The following KLF8 variants were observed in gnomAD, a reference collection of about 807,000 sequenced individuals.
KLF8 encodes KLF transcription factor 8.
KLF8 carries 10 observed loss-of-function variants against 18.2 expected under a neutral mutation model. The observed-to-expected ratio is 0.55, with a 90% CI of 0.34 to 0.93. The LOEUF is 0.93. Ranked by LOEUF, KLF8 falls within the 40% of genes least tolerant of loss-of-function variation. KLF8 has a pLI of 0.02. For missense variants in KLF8, 264 were observed against 277.9 expected, an observed-to-expected ratio of 0.95 and a Z score of 0.36; for synonymous variants, 109 against 97.3, an observed-to-expected ratio of 1.12 and a Z score of -0.71.
chrX:55,951,961 G>T, the KLF8 span, among the ~76,000 whole-genome samples: 1 of 111,850 alleles, frequency 8.9e-6, no homozygotes, highest in Non-Finnish European at 1.9e-5. Flanking sequence ...TGTTTCTGAG[G>T]GAGCCTCAAG....
Position 56,265,510 on chromosome X carries a change from G to A in KLF8, c.412G>A (p.Val138Ile), listed in dbSNP as rs757211205. The part of the protein sequence containing the change: ...DMSTSANIPT[V>I]LTPGSVLTSS... The stretch of plus-strand genomic sequence containing the variant: ...GAGCACTTCAGCAAACATTCCTACT[G>A]TTCTGACCCCAGGCTCTGTCCTGAC... Residue 138 changes from valine (V) to isoleucine (I), a missense_variant, in exon 3 of 6, where the codon GTT becomes ATT. Physicochemically the swap from Val to Ile is conservative, Grantham distance 29 (BLOSUM62 3). Transcript: ENST00000468660. 17 of 1,210,193 alleles carry A rather than the reference G, an allele frequency of 1.4e-5. No individual in the cohort carries two copies. In the South Asian group the frequency reaches 2.5e-4, roughly 18 times the overall value.
At chrX:56,158,358 C>G in the KLF8 span, among the ~76,000 whole-genome samples, 2 of 111,642 alleles carry the variant, frequency 1.8e-5, no homozygotes, top group African/African-American at 3.3e-5. Context: ...GCTTAGGATT[C>G]ACTTGGCAAC....
the KLF8 span, among the ~76,000 whole-genome samples, chrX:56,109,203 T>G: frequency 9.0e-6 from 1 of 110,861 alleles, no homozygotes; most frequent in South Asian, 3.9e-4. Context: ...GAGACCTTCC[T>G]AAGCAACATA....
the KLF8 span, among the ~76,000 whole-genome samples, chrX:55,929,548 G>A: frequency 1.8e-5 from 2 of 112,063 alleles, no homozygotes; most frequent in East Asian, 5.6e-4. Flanking sequence ...TTTTGTATAG[G>A]GTGTAAGGAA....
the KLF8 span, among the ~76,000 whole-genome samples, chrX:56,023,450 T>C: frequency 8.9e-6 from 1 of 111,971 alleles, no homozygotes; most frequent in African/African-American, 3.2e-5. Context: ...ATGAAAAAGC[T>C]GTATTTTGAA....
At chrX:56,177,450 C>T in the KLF8 span, among the ~76,000 whole-genome samples, 1 of 110,710 alleles carries the variant, frequency 9.0e-6, no homozygotes, top group Non-Finnish European at 1.9e-5. Context: ...GTTGCCTGAT[C>T]GTTTTTCTGG....
At chrX:56,080,428 G>A in the KLF8 span, among the ~76,000 whole-genome samples, 3 of 111,132 alleles carry the variant, frequency 2.7e-5, no homozygotes, top group East Asian at 8.4e-4. Flanking sequence ...GGCTGGATAT[G>A]AAATTCTGGG....
At chrX:55,994,434 T>C in the KLF8 span, among the ~76,000 whole-genome samples, 1 of 109,364 alleles carries the variant, frequency 9.1e-6, no homozygotes, top group Non-Finnish European at 1.9e-5. Context: ...AGTTTAGCTG[T>C]AATTTTTGTT....
the KLF8 span, among the ~76,000 whole-genome samples, chrX:56,152,455 G>A: frequency 2.1e-4 from 23 of 110,906 alleles, 1 homozygote; most frequent in Non-Finnish European, 4.0e-4. Flanking sequence ...GAGACTTTCA[G>A]AAGAAGGGTT....
chrX:55,923,166 G>A, the KLF8 span, among the ~76,000 whole-genome samples: 5 of 110,579 alleles, frequency 4.5e-5, no homozygotes, highest in East Asian at 2.8e-4. Flanking sequence ...ATAAGATCAC[G>A]TCCTTTGCAG....
At chrX:56,224,120 T>G in the KLF8 span, among the ~76,000 whole-genome samples, 1 of 110,845 alleles carries the variant, frequency 9.0e-6, no homozygotes, top group Non-Finnish European at 1.9e-5. Context: ...TTTCTGATTT[T>G]GGAATGGTAA....
chrX:56,254,354 C>T (rs2066758991), intron 2 of KLF8, among the ~76,000 whole-genome samples: 1 of 111,404 alleles, frequency 9.0e-6, no homozygotes, highest in Non-Finnish European at 1.9e-5. Context: ...GGGTGAGTGC[C>T]TTTGGGCACC....
At chrX:56,169,917 G>T in the KLF8 span, among the ~76,000 whole-genome samples, 3 of 111,398 alleles carry the variant, frequency 2.7e-5, no homozygotes, top group Non-Finnish European at 5.6e-5. Context: ...AAGGTCTGAC[G>T]AGCACAGTCT....
chrX:56,186,546 T>A, the KLF8 span, among the ~76,000 whole-genome samples: 1 of 111,092 alleles, frequency 9.0e-6, no homozygotes, highest in Non-Finnish European at 1.9e-5. Flanking sequence ...TCTACAGAAC[T>A]CTCCACCCCA....
chrX:55,968,693 C>G, the KLF8 span, among the ~76,000 whole-genome samples: 1 of 111,963 alleles, frequency 8.9e-6, no homozygotes, highest in African/African-American at 3.2e-5. Flanking sequence ...CACATGCTTT[C>G]TTGCCTGCTG....
chrX:56,108,166 CTTCT>C, the KLF8 span, among the ~76,000 whole-genome samples: 5 of 111,288 alleles, frequency 4.5e-5, no homozygotes, highest in Admixed American at 9.6e-5. Flanking sequence ...AATAGTTTTA[CTTCT>C]TTCTTTCTAA....
the KLF8 span, among the ~76,000 whole-genome samples, chrX:56,009,981 CTGAT>C: frequency 1.8e-5 from 2 of 112,020 alleles, no homozygotes; most frequent in Non-Finnish European, 3.8e-5. Context: ...AAACCTATGA[CTGAT>C]TGGGGTACCT....
At chrX:55,919,997 C>G in the KLF8 span, among the ~76,000 whole-genome samples, 1 of 111,933 alleles carries the variant, frequency 8.9e-6, no homozygotes, top group African/African-American at 3.3e-5. Context: ...AACCAAGGAC[C>G]TGCACCAAGT....
At chrX:56,109,951 A>G in the KLF8 span, among the ~76,000 whole-genome samples, 1 of 109,766 alleles carries the variant, frequency 9.1e-6, no homozygotes, top group African/African-American at 3.3e-5. Context: ...CCCACCCCCA[A>G]TAGGCTCCAT....
Sources: gnomAD v4.1 joint callset for allele counts (sites outside exome capture counted in the v4.1 genomes callset) on GRCh38, gnomAD v4.1.1 for gene constraint, MANE v1.5 for transcripts, NCBI Gene and HGNC (gene_info 2026-07-23, HGNC 2026-07-21) for gene names.